Variants in SERGEF observed in about 807,000 individuals in gnomAD.
SERGEF encodes the protein secretion-regulating guanine nucleotide exchange factor.
A neutral mutation model predicts 50.0 loss-of-function variants in SERGEF; 51 were observed. That is an observed-to-expected ratio of 1.02 (90% CI 0.81 to 1.29). The LOEUF (loss-of-function observed/expected upper bound fraction) is 1.29, where lower values mean the gene tolerates loss of function less well. Ranked by LOEUF, SERGEF falls within the 50% of genes most tolerant of loss-of-function variation. The pLI is 0.00. For missense variants in SERGEF, 521 were observed against 557.0 expected (o/e 0.94, Z 0.65); for synonymous variants, 205 against 212.4 (o/e 0.97, Z 0.30).
At chr11:17,890,880 A>C (rs911442768) in intron 9 of SERGEF, among the ~76,000 whole-genome samples, 1 of 152,228 alleles carries the variant, frequency 6.6e-6, no homozygotes, top group African/African-American at 2.4e-5. Context: ...ATGTCAAATG[A>C]CACAGAAGCA....
intron 9 of SERGEF, among the ~76,000 whole-genome samples, chr11:17,954,855 G>C (rs777566664): frequency 6.6e-6 from 1 of 152,178 alleles, no homozygotes. Context: ...GTTTGCCTTG[G>C]ATCTTCTCCT....
At chr11:17,830,648 GGGAGA>G (rs1565179413) in intron 10 of SERGEF, among the ~76,000 whole-genome samples, 126 of 98,880 alleles carry the variant, frequency 1.3e-3, no homozygotes, top group African/African-American at 4.7e-3. Context: ...GGGAGAGGGA[GGGAGA>G]GAGAGAGAGA....
At chr11:17,939,695 A>T (rs1051703333) in intron 9 of SERGEF, 1 of 152,396 alleles carries the variant, frequency 6.6e-6, no homozygotes, top group Non-Finnish European at 1.5e-5. Context: ...GGGAGAGCCA[A>T]TGAGCCAGAA....
chr11:17,999,905 C>T (rs1475501963), intron 5 of SERGEF, among the ~76,000 whole-genome samples: 1 of 152,200 alleles, frequency 6.6e-6, no homozygotes, highest in African/African-American at 2.4e-5. Context: ...ATGTAACTCG[C>T]ATCACTTCCT....
chr11:17,921,088 A>G (rs1436082317), intron 9 of SERGEF, among the ~76,000 whole-genome samples: 1 of 152,230 alleles, frequency 6.6e-6, no homozygotes, highest in African/African-American at 2.4e-5. Context: ...AGTTCAGTAC[A>G]TTATCACACT....
intron 8 of SERGEF, among the ~76,000 whole-genome samples, chr11:17,981,335 C>T (rs1007920244): frequency 1.3e-5 from 2 of 152,226 alleles, no homozygotes; most frequent in Middle Eastern, 3.4e-3. Flanking sequence ...AATTGCTTGC[C>T]GAAATGTAGT....
chr11:17,886,595 G>A (rs1383713925), intron 9 of SERGEF, among the ~76,000 whole-genome samples: 3 of 151,970 alleles, frequency 2.0e-5, no homozygotes, highest in African/African-American at 4.8e-5. Context: ...CAGCCTGGGC[G>A]AGTACTAAAA....
chr11:17,899,442 T>C (rs1466065651), intron 9 of SERGEF, among the ~76,000 whole-genome samples: 2 of 152,176 alleles, frequency 1.3e-5, no homozygotes, highest in African/African-American at 2.4e-5. Flanking sequence ...CCATCATTGT[T>C]TCTATTTTAC....
At chr11:17,802,324 C>T (rs1590122334) in intron 10 of SERGEF, among the ~76,000 whole-genome samples, 1 of 152,298 alleles carries the variant, frequency 6.6e-6, no homozygotes, top group Non-Finnish European at 1.5e-5. Context: ...TAAGGAAGCC[C>T]AGTGAGTTCC....
intron 5 of SERGEF, among the ~76,000 whole-genome samples, chr11:17,996,139 A>G (rs963578690): frequency 9.9e-5 from 15 of 152,230 alleles, no homozygotes; most frequent in Admixed American, 4.6e-4. Flanking sequence ...GCAAATTCCA[A>G]TATCACATAA....
intron 10 of SERGEF, among the ~76,000 whole-genome samples, chr11:17,864,154 C>A (rs1850979837): frequency 6.6e-6 from 1 of 152,210 alleles, no homozygotes; most frequent in Non-Finnish European, 1.5e-5. Context: ...AGGCCTCAAG[C>A]CTCTTGAGTA....
chr11:17,897,265 T>A (rs542835239), intron 9 of SERGEF, among the ~76,000 whole-genome samples: 1 of 152,258 alleles, frequency 6.6e-6, no homozygotes, highest in Non-Finnish European at 1.5e-5. Context: ...AACTGACATC[T>A]CCCAACAATC....
At chr11:17,880,568 T>C (rs758100529) in intron 9 of SERGEF, among the ~76,000 whole-genome samples, 5 of 152,214 alleles carry the variant, frequency 3.3e-5, no homozygotes, top group Non-Finnish European at 5.9e-5. Flanking sequence ...TGGAAGGAGA[T>C]ACATCAAAAT....
intron 10 of SERGEF, among the ~76,000 whole-genome samples, chr11:17,827,293 G>C (rs1327374672): frequency 6.6e-6 from 1 of 152,204 alleles, no homozygotes; most frequent in Admixed American, 6.5e-5. Flanking sequence ...GACTGCATCA[G>C]GGCCGCTGGA....
intron 9 of SERGEF, among the ~76,000 whole-genome samples, chr11:17,946,859 A>G (rs2133960622): frequency 6.6e-6 from 1 of 152,334 alleles, no homozygotes; most frequent in South Asian, 2.1e-4. Flanking sequence ...TAACTCTGTT[A>G]GCAACCAATA....
chr11:17,858,626 A>G (rs1850868141), intron 10 of SERGEF, among the ~76,000 whole-genome samples: 1 of 152,174 alleles, frequency 6.6e-6, no homozygotes. Flanking sequence ...ACAGCCAGCT[A>G]AAGATCATCA....
intron 9 of SERGEF, among the ~76,000 whole-genome samples, chr11:17,882,431 A>AG (rs201029886): frequency 0.026 from 3,895 of 151,418 alleles, 85 homozygotes; most frequent in Non-Finnish European, 0.043. Context: ...AAAAAAAAAA[A>AG]AAAAAGAAAA....
At chr11:17,809,934 G>A (rs914745032) in intron 10 of SERGEF, among the ~76,000 whole-genome samples, 8 of 152,164 alleles carry the variant, frequency 5.3e-5, no homozygotes, top group African/African-American at 1.9e-4. Context: ...CATGAAACAA[G>A]GGCAGCTGTC....
chr11:17,904,709 T>C (rs1851807089), intron 9 of SERGEF, among the ~76,000 whole-genome samples: 1 of 152,168 alleles, frequency 6.6e-6, no homozygotes, highest in African/African-American at 2.4e-5. Context: ...AAATACCAAC[T>C]AGATGCAAGG....
Sources: allele counts gnomAD v4.1 joint callset (sites outside exome capture counted in the v4.1 genomes callset), GRCh38; gene constraint gnomAD v4.1.1; transcripts MANE v1.5; gene names NCBI Gene and HGNC (gene_info 2026-07-23, HGNC 2026-07-21).